Variants in CDS1 observed in about 807,000 individuals in gnomAD.
The protein encoded by CDS1 is phosphatidate cytidylyltransferase 1.
CDS1 carries 41 observed loss-of-function variants against 62.1 expected under a neutral mutation model. The observed-to-expected ratio is 0.66, with a 90% CI of 0.51 to 0.86. The LOEUF is 0.86. Among genes scored for constraint, CDS1 ranks in the 40% least tolerant of loss-of-function variants. CDS1 has a pLI of 0.00. For synonymous variants in CDS1, 185 were observed against 192.6 expected, an observed-to-expected ratio of 0.96 and a Z score of 0.32; for missense variants, 470 against 550.1, an observed-to-expected ratio of 0.85 and a Z score of 1.46.
intron 8 of CDS1, among the ~76,000 whole-genome samples, chr4:84,635,696 T>TCCTTCCCTCCCTCCC (rs1393347967): frequency 6.8e-5 from 4 of 58,408 alleles, no homozygotes; most frequent in Admixed American, 4.0e-4. Context: ...CCTTCCCTCC[T>TCCTTCCCTCCCTCCC]TCCCTCCCTC....
chr4:84,634,046 G>A (rs1724104430), intron 7 of CDS1, 107 bp downstream of exon 7: 2 of 526,274 alleles, frequency 3.8e-6, no homozygotes, highest in Non-Finnish European at 6.4e-6. Context: ...ACTGTTTGTT[G>A]TTCTTATATT....
chr4:84,583,360 G>A lies in CDS1; in HGVS notation c.-42G>A, dbSNP rs201282299. 1.5e-5 allele frequency: 22 copies of A among 1,432,386 alleles called. No individual in the cohort carries two copies. Among genetic ancestry groups the A allele is most frequent in the African/African-American group, 2.9e-5 (2 of 70,058 alleles). 88.7% of individuals were successfully genotyped at this position (1,432,386 alleles called of 1,614,324 possible). A position where few individuals can be genotyped will look rare whatever the true frequency, so the allele number is the denominator to read the frequency against. ...GAACCCTGCTTGCAGCTCAGGTTTCGGGGTGCTTGAGGAGGCCGCCACGGC... is the reference window on the plus strand; with the variant it reads ...GAACCCTGCTTGCAGCTCAGGTTTCAGGGTGCTTGAGGAGGCCGCCACGGC... On this transcript the variant is annotated 5_prime_UTR_variant, in exon 1 of 13. Transcript: ENST00000295887.
intron 5 of CDS1, among the ~76,000 whole-genome samples, chr4:84,621,081 A>C (rs1452793728): frequency 6.6e-6 from 1 of 152,208 alleles, no homozygotes; most frequent in African/African-American, 2.4e-5. Flanking sequence ...CAAACAAACA[A>C]AAATGAGATA....
In CDS1 at chr4:84,617,553, CTT is replaced by C; in HGVS notation, c.343-10_343-9del. ...TGAGAAATGTATGTTAATGTTTTCT[CTT>C]GGTTTCAGGTTCTGGGCATCCAAGT... On this transcript the variant is annotated splice_polypyrimidine_tract_variant and intron_variant, in intron 3 of 12. Transcript: ENST00000295887. The C allele has an allele frequency of 2.2e-6, 3 of 1,378,780 alleles. No homozygotes were observed. The highest frequency in any genetic ancestry group is 3.1e-6 in the Non-Finnish European group (3 of 971,016). 85.4% of individuals were successfully genotyped at this position (1,378,780 alleles called of 1,614,324 possible). A position where few individuals can be genotyped will look rare whatever the true frequency, so the allele number is the denominator to read the frequency against.
At chr4:84,605,576 C>G (rs1331155174) in intron 2 of CDS1, among the ~76,000 whole-genome samples, 1 of 151,602 alleles carries the variant, frequency 6.6e-6, no homozygotes, top group Non-Finnish European at 1.5e-5. Context: ...AGTTCTTGTT[C>G]CCAGTTGTTT....
chr4:84,647,069 C>A (rs6856213), intron 12 of CDS1, among the ~76,000 whole-genome samples: 2,846 of 152,142 alleles, frequency 0.019, 83 homozygotes, highest in African/African-American at 0.065. Context: ...ATTAAAATAG[C>A]AATATCAGCT....
At chr4:84,645,016 C>G (rs2148661600) in intron 11 of CDS1, among the ~76,000 whole-genome samples, 1 of 152,214 alleles carries the variant, frequency 6.6e-6, no homozygotes, top group Non-Finnish European at 1.5e-5. Flanking sequence ...TGGGTCAATT[C>G]AGAAATCATT....
At position 84,632,712 on chromosome 4, in the gene CDS1, A is replaced by G. The variant is rs943603863; in HGVS notation, c.639+835A>G. On this transcript the variant is annotated intron_variant, in intron 6 of 12. Coordinates refer to ENST00000295887, the MANE Select transcript of CDS1 (RefSeq NM_001263.4). ...GCATCTATTGGAAAAAATTTAATTA[A>G]TGCATTTTTAAGCAATCAGAGTAAA... Among the ~76,000 whole-genome samples, 3 of 152,222 alleles carry G rather than the reference A, an allele frequency of 2.0e-5. No individual in the cohort carries two copies. In the East Asian group the frequency reaches 5.8e-4, roughly 29 times the overall value.
intron 3 of CDS1, 26 bp from the exon 4 acceptor site, chr4:84,617,538 A>G: frequency 9.2e-7 from 1 of 1,088,892 alleles, no homozygotes; most frequent in South Asian, 1.3e-5. Flanking sequence ...TGAGAAATGT[A>G]TGTTAATGTT....
At chr4:84,601,926 C>A (rs1204424127) in intron 1 of CDS1, among the ~76,000 whole-genome samples, 7 of 130,988 alleles carry the variant, frequency 5.3e-5, no homozygotes, top group East Asian at 5.4e-4. Context: ...TAAATAAATA[C>A]ATACATGCAT....
intron 1 of CDS1, among the ~76,000 whole-genome samples, chr4:84,590,222 A>G (rs945665902): frequency 1.3e-5 from 2 of 152,196 alleles, no homozygotes; most frequent in Admixed American, 6.5e-5. Context: ...AACATTTTCA[A>G]AGAGTCTTAG....
At chr4:84,605,495 G>T (rs1723066982) in intron 2 of CDS1, among the ~76,000 whole-genome samples, 1 of 151,624 alleles carries the variant, frequency 6.6e-6, no homozygotes, top group South Asian at 2.1e-4. Context: ...TTGGTTAAAA[G>T]CAACATTTTC....
At chr4:84,609,582 G>A in intron 3 of CDS1, 57 bp downstream of exon 3, 6 of 943,862 alleles carry the variant, frequency 6.4e-6, no homozygotes, top group East Asian at 2.4e-5. Flanking sequence ...CATTTATATA[G>A]GATTGAAGTA....
At chr4:84,589,711 A>G (rs1308150288) in intron 1 of CDS1, among the ~76,000 whole-genome samples, 1 of 152,212 alleles carries the variant, frequency 6.6e-6, no homozygotes, top group South Asian at 2.1e-4. Flanking sequence ...AGCTTACTGC[A>G]GTGAGGAACA....
chr4:84,651,333 T>G lies in CDS1; in HGVS notation c.*2647T>G, dbSNP rs963403573. Reference sequence around the variant, plus strand: ...AGGAAAATAAAACTGAAACAAATCATATTTTGACTTTGTTGTGCCATTTTC... The same window carrying G: ...AGGAAAATAAAACTGAAACAAATCAGATTTTGACTTTGTTGTGCCATTTTC... On this transcript the variant is annotated 3_prime_UTR_variant, in exon 13 of 13. Transcript: ENST00000295887. The G allele has an allele frequency of 2.0e-5, 3 of 152,230 alleles. No homozygotes were observed. The highest frequency in any genetic ancestry group is 7.2e-5 in the African/African-American group (3 of 41,464). 9.4% of individuals were successfully genotyped at this position (152,230 alleles called of 1,614,324 possible).
chr4:84,591,205 C>CT (rs1175392125), intron 1 of CDS1, among the ~76,000 whole-genome samples: 1 of 152,128 alleles, frequency 6.6e-6, no homozygotes, highest in East Asian at 1.9e-4. Flanking sequence ...GTAAAATAGA[C>CT]TCTCACATTT....
chr4:84,618,354 G>A (rs1302669815), intron 4 of CDS1, among the ~76,000 whole-genome samples: 2 of 152,060 alleles, frequency 1.3e-5, no homozygotes. Flanking sequence ...GTTTCTTCAC[G>A]AGTGGCAAAG....
intron 5 of CDS1, among the ~76,000 whole-genome samples, chr4:84,622,866 G>A (rs1723734653): frequency 6.6e-6 from 1 of 152,012 alleles, no homozygotes. Context: ...TTAGCATTAA[G>A]TAGGTACCTA....
rs749463297 is a variant in CDS1, at chr4:84,633,939, G to T, written c.722G>T (p.Trp241Leu). Reference sequence around the variant, plus strand: ...CAAAATCTGTTTGAAGGCATGATATGGTAAGGCAACAGAATTATGCTGCTT... The same window carrying T: ...CAAAATCTGTTTGAAGGCATGATATTGTAAGGCAACAGAATTATGCTGCTT... ...VIQNLFEGMI[W>L]FLVPISSVIC... Residue 241 changes from tryptophan (W) to leucine (L), a missense_variant and splice_region_variant, in exon 7 of 13, where the codon TGG becomes TTG. Transcript: ENST00000295887. 2.5e-6 allele frequency: 4 copies of T among 1,581,408 alleles called. No homozygotes were observed. The highest frequency in any genetic ancestry group is 3.5e-6 in the Non-Finnish European group (4 of 1,154,418).
Sources: allele counts gnomAD v4.1 joint callset (sites outside exome capture counted in the v4.1 genomes callset), GRCh38; gene constraint gnomAD v4.1.1; transcripts MANE v1.5; gene names NCBI Gene and HGNC (gene_info 2026-07-23, HGNC 2026-07-21).